GIN1: variants seen among roughly 807,000 people sequenced by gnomAD.
GIN1 encodes the protein gypsy retrotransposon integrase 1.
GIN1 carries 41 observed loss-of-function variants against 51.4 expected under a neutral mutation model. That is an observed-to-expected ratio of 0.80 (90% confidence interval 0.62 to 1.04). The LOEUF (loss-of-function observed/expected upper bound fraction) is 1.04, where lower values mean the gene tolerates loss of function less well. Ranked by LOEUF, GIN1 falls within the 50% of genes least tolerant of loss-of-function variation. The pLI, the probability that GIN1 is intolerant of heterozygous loss-of-function variation, is 0.00. For synonymous variants in GIN1, 222 were observed against 206.5 expected (o/e 1.07, Z -0.64); for missense variants, 610 against 612.4 (o/e 1.00, Z 0.04).
chr5:103,108,790 A>T (rs1787797329), intron 1 of GIN1, 76 bp from the exon 2 acceptor site: 1 of 916,362 alleles, frequency 1.1e-6, no homozygotes, highest in South Asian at 1.5e-5. Context: ...GACTTCTGTC[A>T]TATTTCTATT....
At chr5:103,101,027 T>C (rs1287578371) in intron 4 of GIN1, among the ~76,000 whole-genome samples, 1 of 152,168 alleles carries the variant, frequency 6.6e-6, no homozygotes, top group Non-Finnish European at 1.5e-5. Flanking sequence ...TATACTATGT[T>C]TTCCCCTATA....
At chr5:103,108,888 T>C (rs1393011572) in intron 1 of GIN1, among the ~76,000 whole-genome samples, 174 bp from the exon 2 acceptor site, 1 of 152,018 alleles carries the variant, frequency 6.6e-6, no homozygotes, top group Non-Finnish European at 1.5e-5. Flanking sequence ...TGAACAAAAA[T>C]ACTCAAATGC....
intron 3 of GIN1, among the ~76,000 whole-genome samples, chr5:103,106,126 A>G (rs1417755892): frequency 6.6e-6 from 1 of 152,146 alleles, no homozygotes; most frequent in Non-Finnish European, 1.5e-5. Flanking sequence ...GAAAGAGTAG[A>G]ATCAGCTGAC....
At chr5:103,105,007 G>A (rs2151471413) in intron 3 of GIN1, among the ~76,000 whole-genome samples, 161 bp from the exon 4 acceptor site, 1 of 152,078 alleles carries the variant, frequency 6.6e-6, no homozygotes, top group Non-Finnish European at 1.5e-5. Context: ...AACCTATTTA[G>A]AATAACAAAC....
chr5:103,115,057 G>A (rs1787993870), intron 1 of GIN1, among the ~76,000 whole-genome samples: 1 of 152,140 alleles, frequency 6.6e-6, no homozygotes, highest in African/African-American at 2.4e-5. Flanking sequence ...TAAAGGCAAG[G>A]AGCTACAAGA....
At chr5:103,093,225 G>A (rs188746442) in intron 7 of GIN1, among the ~76,000 whole-genome samples, 2 of 152,278 alleles carry the variant, frequency 1.3e-5, no homozygotes, top group Non-Finnish European at 1.5e-5. Context: ...AATTAAGGTT[G>A]CTAATCAGAT....
rs1261921803 is a variant in GIN1 at position 103,087,294 on chromosome 5, A to T, written c.*604T>A. ...CCTGGTCGATGGTTTTATCTTTAAT[A>T]TATAGTATGAAAATAAACAAATTGT... On this transcript the variant is annotated 3_prime_UTR_variant, in exon 8 of 8. Transcript: ENST00000399004. 1 of 152,200 alleles carries T rather than the reference A, an allele frequency of 6.6e-6. No homozygotes were observed. The highest frequency in any genetic ancestry group is 1.5e-5 in the Non-Finnish European group (1 of 68,026). 9.4% of individuals were successfully genotyped at this position (152,200 alleles called of 1,614,324 possible). A position where few individuals can be genotyped will look rare whatever the true frequency, so the allele number is the denominator to read the frequency against.
intron 2 of GIN1, 89 bp downstream of exon 2, chr5:103,108,480 A>G (rs1554196576): frequency 2.3e-6 from 2 of 857,460 alleles, no homozygotes; most frequent in Non-Finnish European, 3.7e-6. Flanking sequence ...AGCAACAACC[A>G]ACTACTACAG....
chr5:103,093,999 G>C (rs561906088), intron 7 of GIN1, among the ~76,000 whole-genome samples: 4 of 152,294 alleles, frequency 2.6e-5, no homozygotes, highest in East Asian at 1.9e-4. Context: ...GTTTTTAACA[G>C]AGCTATGAAA....
At chr5:103,091,583 G>C (rs1429432057) in intron 7 of GIN1, among the ~76,000 whole-genome samples, 1 of 152,166 alleles carries the variant, frequency 6.6e-6, no homozygotes, top group Non-Finnish European at 1.5e-5. Flanking sequence ...TGACAAGACT[G>C]AATAAGTCTT....
rs1436891842 is a variant in GIN1, at chr5:103,106,807, T to A, written c.242A>T (p.Asp81Val). Reference sequence around the variant, plus strand: ...GGATATACCATGATGAGCTCCACTGTCATTTTCATGGCATTCTCTTAAGAC... The same window carrying A: ...GGATATACCATGATGAGCTCCACTGACATTTTCATGGCATTCTCTTAAGAC... Reference protein sequence around the residue: ...KKVLRECHENDSGAHHGISRT... With the variant: ...KKVLRECHENVSGAHHGISRT... The change falls in exon 3 of 8, where the codon GAC becomes GTC. Residue 81 changes from aspartate to valine, a missense_variant. By Grantham distance (152) the Asp-to-Val change is radical (BLOSUM62 -3). Transcript: ENST00000399004. The A allele has an allele frequency of 6.2e-7, 1 of 1,601,882 alleles. No homozygotes were observed. Among genetic ancestry groups the A allele is most frequent in the African/African-American group, 1.3e-5 (1 of 74,658 alleles).
At position 103,098,836 on chromosome 5, in the gene GIN1, G is replaced by A. The variant is rs79958691; in HGVS notation, c.640-1055C>T. On this transcript the variant is annotated intron_variant, in intron 4 of 7. Coordinates refer to ENST00000399004, the MANE Select transcript of GIN1 (RefSeq NM_017676.2). Reference sequence around the variant, plus strand: ...TCATAAGTTAATGTTTAAAAAGCATGTAAAACAGTTATTGGCAATAAGCAT... The same window carrying A: ...TCATAAGTTAATGTTTAAAAAGCATATAAAACAGTTATTGGCAATAAGCAT... Among the ~76,000 whole-genome samples, 754 of 152,204 alleles carry A rather than the reference G, an allele frequency of 5.0e-3. 9 individuals are homozygous for A. The highest frequency in any genetic ancestry group is 0.017 in the African/African-American group (716 of 41,526).
chr5:103,114,488 G>T (rs1418303828), intron 1 of GIN1, among the ~76,000 whole-genome samples: 4 of 152,214 alleles, frequency 2.6e-5, no homozygotes, highest in African/African-American at 4.8e-5. Context: ...TATTAAGCAG[G>T]TTCTATTCTT....
intron 4 of GIN1, chr5:103,102,794 C>G (rs931045785): frequency 1.3e-5 from 2 of 151,914 alleles, no homozygotes; most frequent in African/African-American, 4.8e-5. Flanking sequence ...GTGGGGGTAT[C>G]ACTTGAGCCT....
At chr5:103,095,767 C>CA (rs1787374648) in intron 7 of GIN1, among the ~76,000 whole-genome samples, 1 of 151,922 alleles carries the variant, frequency 6.6e-6, no homozygotes, top group Admixed American at 6.6e-5. Context: ...ACCAAAAATA[C>CA]AAAAAAATTA....
In GIN1 at chr5:103,104,739, C is replaced by T. The variant is rs370231072; in HGVS notation, c.441G>A (p.Leu147=). Residue 147 remains leucine (L), a synonymous_variant, in exon 4 of 8, where the codon CTG becomes CTA. Transcript: ENST00000399004. ...TGTTGCTTGTATGAAAAGGCCCCAT[C>T]AGATCAACAGTAACTAAACTCCATG... ...ENPWSLVTVD[L]MGPFHTSNRS... The T allele has an allele frequency of 6.2e-7, 1 of 1,609,956 alleles. No individual in the cohort carries two copies. Among genetic ancestry groups the T allele is most frequent in the Non-Finnish European group, 8.5e-7 (1 of 1,176,296 alleles).
chr5:103,112,425 G>C (rs1787914306), intron 1 of GIN1, among the ~76,000 whole-genome samples: 1 of 152,096 alleles, frequency 6.6e-6, no homozygotes, highest in East Asian at 1.9e-4. Flanking sequence ...TGACAGAGTG[G>C]ACACCATGAG....
chr5:103,118,753 T>C (rs1788178828), intron 1 of GIN1, among the ~76,000 whole-genome samples: 1 of 86,198 alleles, frequency 1.2e-5, no homozygotes. Context: ...AAAGTTGTTT[T>C]TTTTTTTTCA....
chr5:103,109,246 T>C (rs949585422), intron 1 of GIN1, among the ~76,000 whole-genome samples: 13 of 152,220 alleles, frequency 8.5e-5, no homozygotes, highest in African/African-American at 3.1e-4. Flanking sequence ...TTTGCTACTG[T>C]CTGTCTATAG....
Sources: allele counts gnomAD v4.1 joint callset (sites outside exome capture counted in the v4.1 genomes callset), GRCh38; gene constraint gnomAD v4.1.1; transcripts MANE v1.5; gene names NCBI Gene and HGNC (gene_info 2026-07-23, HGNC 2026-07-21).